The following TNRC6A variants were observed in gnomAD, a reference collection of about 807,000 sequenced individuals.
TNRC6A encodes trinucleotide repeat-containing gene 6A protein.
A neutral mutation model predicts 221.2 loss-of-function variants in TNRC6A; 44 were observed. The observed-to-expected ratio is 0.20, with a 90% CI of 0.16 to 0.26. The LOEUF (loss-of-function observed/expected upper bound fraction) is 0.26, where lower values mean the gene tolerates loss of function less well. Ranked by LOEUF, TNRC6A falls within the 10% of genes least tolerant of loss-of-function variation. The pLI is 1.00. For missense variants in TNRC6A, 2,199 were observed against 2,404.4 expected, an observed-to-expected ratio of 0.91 and a Z score of 1.79; for synonymous variants, 847 against 838.5, an observed-to-expected ratio of 1.01 and a Z score of -0.18.
chr16:24,709,167 GA>G (rs2056156190), intron 2 of TNRC6A, among the ~76,000 whole-genome samples: 1 of 151,976 alleles, frequency 6.6e-6, no homozygotes, highest in Non-Finnish European at 1.5e-5. Flanking sequence ...TGAGGCAGGA[GA>G]ATTGCTTGAA....
chr16:24,791,906 A>G, intron 6 of TNRC6A, 89 bp downstream of exon 6: 2 of 1,344,702 alleles, frequency 1.5e-6, no homozygotes, highest in Non-Finnish European at 1.9e-6. Flanking sequence ...ATGCACACAA[A>G]GGCTGTTCTT....
At chr16:24,671,770 G>T (rs963068393) in intron 2 of TNRC6A, among the ~76,000 whole-genome samples, 1 of 152,204 alleles carries the variant, frequency 6.6e-6, no homozygotes, top group Non-Finnish European at 1.5e-5. Context: ...AGCGCTTTGG[G>T]AGGCCGAGGT....
intron 5 of TNRC6A, among the ~76,000 whole-genome samples, chr16:24,782,209 A>G (rs1377569656): frequency 6.6e-6 from 1 of 152,158 alleles, no homozygotes; most frequent in Non-Finnish European, 1.5e-5. Context: ...TGAGGTGTTC[A>G]CCATCTGGTC....
intron 2 of TNRC6A, among the ~76,000 whole-genome samples, chr16:24,741,909 T>G (rs1051595229): frequency 2.0e-5 from 3 of 152,182 alleles, no homozygotes; most frequent in Non-Finnish European, 4.4e-5. Context: ...TGATCGTGGC[T>G]CACTGTAGCA....
At chr16:24,665,620 A>G (rs945883328) in intron 2 of TNRC6A, among the ~76,000 whole-genome samples, 1 of 152,148 alleles carries the variant, frequency 6.6e-6, no homozygotes, top group African/African-American at 2.4e-5. Context: ...TTGTTCTGAG[A>G]GGCTGTTTGG....
intron 2 of TNRC6A, among the ~76,000 whole-genome samples, chr16:24,691,684 C>T (rs1322535254): frequency 6.6e-6 from 1 of 152,018 alleles, no homozygotes; most frequent in African/African-American, 2.4e-5. Context: ...GGGAGGATCA[C>T]TTGAACCCGG....
At chr16:24,638,044 CA>C (rs1315361286) in intron 1 of TNRC6A, among the ~76,000 whole-genome samples, 1 of 152,170 alleles carries the variant, frequency 6.6e-6, no homozygotes, top group Non-Finnish European at 1.5e-5. Context: ...CTCAGTCTCC[CA>C]AAGTGCTGGC....
In TNRC6A at chr16:24,814,398, CTTTTTTTTTTCTTTTT is replaced by C. The variant is rs1402812072; in HGVS notation, c.4673-738_4673-723del. Among the ~76,000 whole-genome samples the C allele has an allele frequency of 3.9e-4, 31 of 80,302 alleles. 1 individual carries two copies. The East Asian group carries it at 9.4e-3, about 24-fold the overall frequency. 52.7% of individuals were successfully genotyped at this position (80,302 alleles called of 152,430 possible). A position where few individuals can be genotyped will look rare whatever the true frequency, so the allele number is the denominator to read the frequency against. On this transcript the variant is annotated intron_variant, in intron 18 of 24. Coordinates refer to ENST00000395799, the MANE Select transcript of TNRC6A (RefSeq NM_014494.4). ...CCTTCTGGTGTCATTTTTTTCTTTT[CTTTTTTTTTTCTTTTT>C]TTTTTTTTTTTTGGAGACGGAGTCT...
intron 5 of TNRC6A, among the ~76,000 whole-genome samples, chr16:24,778,076 T>C (rs2057763668): frequency 6.6e-6 from 1 of 152,164 alleles, no homozygotes; most frequent in Non-Finnish European, 1.5e-5. Flanking sequence ...TGAGGGGGAA[T>C]GAAGGTGCCC....
At chr16:24,663,594 A>G (rs2055081441) in intron 2 of TNRC6A, 1 of 163,788 alleles carries the variant, frequency 6.1e-6, no homozygotes, top group Admixed American at 6.0e-5. Context: ...AGCAAAGGAA[A>G]AAGGTGCTCA....
At chr16:24,645,239 C>T (rs1233350042) in intron 2 of TNRC6A, among the ~76,000 whole-genome samples, 1 of 135,924 alleles carries the variant, frequency 7.4e-6, no homozygotes, top group Non-Finnish European at 1.7e-5. Context: ...GGCACAGTGG[C>T]TCATGCCTAT....
At position 24,791,576 on chromosome 16, in the gene TNRC6A, A is replaced by G. The variant is rs1320746323; in HGVS notation, c.2934A>G (p.Pro978=). Residue 978 remains proline (P), a synonymous_variant, in exon 6 of 25, where the codon CCA becomes CCG. Transcript: ENST00000395799. Reference sequence around the variant, plus strand: ...GGCTGGGGGGACCTATACCAGCCCCAGCAAAAGAAGAAGAACCCACAGGCT... The same window carrying G: ...GGCTGGGGGGACCTATACCAGCCCCGGCAAAAGAAGAAGAACCCACAGGCT... ...TGWLGGPIPA[P]AKEEEPTGWE... is the part of the protein sequence containing the mutation. 3 of 1,575,502 alleles carry G rather than the reference A, an allele frequency of 1.9e-6. No individual in the cohort carries two copies. The highest frequency in any genetic ancestry group is 1.7e-4 in the Middle Eastern group (1 of 5,852).
chr16:24,814,019 A>G (rs1000625697), intron 18 of TNRC6A, among the ~76,000 whole-genome samples: 32 of 152,230 alleles, frequency 2.1e-4, no homozygotes, highest in Non-Finnish European at 3.7e-4. Context: ...CTGCTTATAG[A>G]ACAGATGCAT....
At chr16:24,775,428 T>G (rs1235455776) in intron 4 of TNRC6A, among the ~76,000 whole-genome samples, 2 of 152,082 alleles carry the variant, frequency 1.3e-5, no homozygotes, top group African/African-American at 4.8e-5. Context: ...TATATTATAT[T>G]AAAAAAGTAT....
chr16:24,614,798 G>A (rs957712553), intron 1 of TNRC6A, among the ~76,000 whole-genome samples: 10 of 152,220 alleles, frequency 6.6e-5, no homozygotes, highest in African/African-American at 2.2e-4. Flanking sequence ...GGACCAGCAC[G>A]GTGGCTTACG....
intron 3 of TNRC6A, among the ~76,000 whole-genome samples, chr16:24,752,335 G>T (rs2057155958): frequency 6.6e-6 from 1 of 152,156 alleles, no homozygotes; most frequent in Non-Finnish European, 1.5e-5. Context: ...AAGGAGAAAT[G>T]ATAAATAATT....
At chr16:24,643,556 GGC>G (rs1491232573) in intron 2 of TNRC6A, among the ~76,000 whole-genome samples, 1 of 152,000 alleles carries the variant, frequency 6.6e-6, no homozygotes, top group Non-Finnish European at 1.5e-5. Flanking sequence ...CCATCTTCCT[GGC>G]TTCCAGCCGT....
intron 2 of TNRC6A, among the ~76,000 whole-genome samples, chr16:24,745,952 C>T (rs1197664046): frequency 6.6e-6 from 1 of 152,092 alleles, no homozygotes; most frequent in African/African-American, 2.4e-5. Flanking sequence ...AATTTATTGC[C>T]TATTCTTACC....
chr16:24,658,876 A>C (rs188938664), intron 2 of TNRC6A, among the ~76,000 whole-genome samples: 1 of 150,076 alleles, frequency 6.7e-6, no homozygotes, highest in African/African-American at 2.4e-5. Context: ...AGTGCAGATC[A>C]TTGCTCACTG....
Sources: allele counts gnomAD v4.1 joint callset (sites outside exome capture counted in the v4.1 genomes callset), GRCh38; gene constraint gnomAD v4.1.1; transcripts MANE v1.5; gene names NCBI Gene and HGNC (gene_info 2026-07-23, HGNC 2026-07-21).